Variants in SLC24A2 observed in about 807,000 individuals in gnomAD.
SLC24A2 encodes the protein sodium/potassium/calcium exchanger 2.
Under a neutral mutation model 62.0 loss-of-function variants are expected in SLC24A2, and 36 were observed. The ratio of observed to expected loss-of-function variants is 0.58; its 90% CI spans 0.44 to 0.77. The LOEUF is 0.77. Ranked by LOEUF, SLC24A2 falls within the 30% of genes least tolerant of loss-of-function variation. The pLI is 0.00. For synonymous variants in SLC24A2, 358 were observed against 294.0 expected (o/e 1.22, Z -2.23); for missense variants, 846 against 817.9 (o/e 1.03, Z -0.42).
At chr9:19,895,946 G>A in the SLC24A2 span, 1 of 1,612,474 alleles carries the variant, frequency 6.2e-7, no homozygotes. Context: ...AGCTGCACGT[G>A]CTCCAGGGAG....
chr9:19,870,497 T>A, the SLC24A2 span, among the ~76,000 whole-genome samples: 504 of 152,316 alleles, frequency 3.3e-3, 1 homozygote, highest in African/African-American at 0.012. Flanking sequence ...TAGGGTTATA[T>A]GTTTTCATTT....
the SLC24A2 span, among the ~76,000 whole-genome samples, chr9:19,887,091 T>G: frequency 3.3e-5 from 5 of 152,158 alleles, no homozygotes; most frequent in Non-Finnish European, 7.4e-5. Context: ...AAATAGCTGA[T>G]GCGTGCTGCG....
chr9:20,192,640 T>C, the SLC24A2 span, among the ~76,000 whole-genome samples: 1 of 152,192 alleles, frequency 6.6e-6, no homozygotes, highest in Non-Finnish European at 1.5e-5. Flanking sequence ...ATGTCATTAT[T>C]AACCTCAGCT....
chr9:20,073,450 C>A, the SLC24A2 span, among the ~76,000 whole-genome samples: 1 of 152,018 alleles, frequency 6.6e-6, no homozygotes, highest in Non-Finnish European at 1.5e-5. Context: ...TATAACATAA[C>A]CTAATCACAG....
chr9:19,984,144 A>G, the SLC24A2 span, among the ~76,000 whole-genome samples: 2 of 152,176 alleles, frequency 1.3e-5, no homozygotes, highest in African/African-American at 4.8e-5. Context: ...GAGCATCTGT[A>G]TTGCTAAGAT....
the SLC24A2 span, among the ~76,000 whole-genome samples, chr9:19,874,164 C>T: frequency 7.0e-6 from 1 of 143,404 alleles, no homozygotes; most frequent in Non-Finnish European, 1.5e-5. Flanking sequence ...ACTGCAACCT[C>T]TTTCTCCCAG....
the SLC24A2 span, among the ~76,000 whole-genome samples, chr9:20,146,276 G>T: frequency 1.3e-5 from 2 of 152,108 alleles, no homozygotes; most frequent in African/African-American, 4.8e-5. Flanking sequence ...GAAGGCAAAT[G>T]TTGGTAGGTT....
the SLC24A2 span, among the ~76,000 whole-genome samples, chr9:20,283,492 A>G: frequency 6.6e-6 from 1 of 152,138 alleles, no homozygotes; most frequent in African/African-American, 2.4e-5. Context: ...ACAAGTCTAC[A>G]TGTTAGCAGT....
At chr9:19,894,187 G>A in the SLC24A2 span, among the ~76,000 whole-genome samples, 1 of 152,208 alleles carries the variant, frequency 6.6e-6, no homozygotes, top group African/African-American at 2.4e-5. Flanking sequence ...TCAGGGCTAT[G>A]TGGTCCAGAG....
At chr9:19,567,551 A>G (rs894034119) in intron 7 of SLC24A2, among the ~76,000 whole-genome samples, 2 of 110,554 alleles carry the variant, frequency 1.8e-5, no homozygotes, top group Non-Finnish European at 3.9e-5. Context: ...TCTCAAAAAA[A>G]AAAAAAAAAA....
At chr9:20,112,224 A>G in the SLC24A2 span, among the ~76,000 whole-genome samples, 1 of 152,066 alleles carries the variant, frequency 6.6e-6, no homozygotes, top group Admixed American at 6.6e-5. Context: ...TGCCTGAAGG[A>G]AAAAAAAGAA....
the SLC24A2 span, among the ~76,000 whole-genome samples, chr9:20,009,383 CAAA>C: frequency 8.9e-6 from 1 of 112,330 alleles, no homozygotes; most frequent in Non-Finnish European, 1.8e-5. Flanking sequence ...AACTCTGTCT[CAAA>C]AAAAAAAAAA....
At chr9:20,102,500 G>T in the SLC24A2 span, among the ~76,000 whole-genome samples, 78 of 151,658 alleles carry the variant, frequency 5.1e-4, no homozygotes, top group Non-Finnish European at 9.6e-4. Flanking sequence ...GAGGGGGTGG[G>T]GGGGGAAGGG....
the SLC24A2 span, among the ~76,000 whole-genome samples, chr9:19,816,813 C>T: frequency 1.3e-5 from 2 of 151,956 alleles, no homozygotes; most frequent in Non-Finnish European, 2.9e-5. Flanking sequence ...GAGGATGGCA[C>T]TAAACCATTC....
At chr9:19,843,390 T>A in the SLC24A2 span, among the ~76,000 whole-genome samples, 2 of 152,186 alleles carry the variant, frequency 1.3e-5, no homozygotes, top group Non-Finnish European at 2.9e-5. Context: ...CGCATGCCTG[T>A]AACCCTAGCT....
the SLC24A2 span, among the ~76,000 whole-genome samples, chr9:20,064,575 T>A: frequency 6.6e-6 from 1 of 152,196 alleles, no homozygotes; most frequent in Non-Finnish European, 1.5e-5. Flanking sequence ...TGTGCTTACT[T>A]TTATTGTAGC....
the SLC24A2 span, among the ~76,000 whole-genome samples, chr9:20,148,494 T>A: frequency 6.6e-6 from 1 of 152,092 alleles, no homozygotes; most frequent in Non-Finnish European, 1.5e-5. Context: ...TTATGACTAC[T>A]TTAAAAGAAG....
chr9:19,553,031 C>T (rs1834920232), intron 7 of SLC24A2, among the ~76,000 whole-genome samples: 1 of 152,126 alleles, frequency 6.6e-6, no homozygotes, highest in Non-Finnish European at 1.5e-5. Context: ...ACTTCACAGC[C>T]TCCTGGGGGC....
At chr9:20,132,160 G>C in the SLC24A2 span, among the ~76,000 whole-genome samples, 1 of 151,934 alleles carries the variant, frequency 6.6e-6, no homozygotes, top group African/African-American at 2.4e-5. Context: ...ACCTACTCCT[G>C]TCTTTAGATC....
Sources: allele counts gnomAD v4.1 joint callset (sites outside exome capture counted in the v4.1 genomes callset), GRCh38; gene constraint gnomAD v4.1.1; transcripts MANE v1.5; gene names NCBI Gene and HGNC (gene_info 2026-07-23, HGNC 2026-07-21).